The following PRKG1 variants were observed in gnomAD, a reference collection of about 807,000 sequenced individuals.
The protein encoded by PRKG1 is protein kinase cGMP-dependent 1, also known as cGMP-dependent protein kinase 1.
A neutral mutation model predicts 88.1 loss-of-function variants in PRKG1; 35 were observed. The ratio of observed to expected loss-of-function variants is 0.40; its 90% CI spans 0.30 to 0.53. PRKG1 has a LOEUF of 0.53. Among genes scored for constraint, PRKG1 ranks in the 20% least tolerant of loss-of-function variants. The pLI is 0.59. For missense variants in PRKG1, 540 were observed against 839.8 expected, an observed-to-expected ratio of 0.64 and a Z score of 4.41; for synonymous variants, 303 against 292.5, an observed-to-expected ratio of 1.04 and a Z score of -0.37.
intron 2 of PRKG1, among the ~76,000 whole-genome samples, chr10:51,167,699 A>G (rs891821036): frequency 5.3e-5 from 8 of 152,170 alleles, no homozygotes; most frequent in African/African-American, 1.4e-4. Flanking sequence ...TGCATGGATT[A>G]GATGTGGGTG....
chr10:51,781,942 C>A (rs1217405627), intron 3 of PRKG1, among the ~76,000 whole-genome samples: 1 of 151,476 alleles, frequency 6.6e-6, no homozygotes. Context: ...CAGCCCCCAA[C>A]ACCCATTGTA....
intron 7 of PRKG1, among the ~76,000 whole-genome samples, chr10:52,086,903 T>G (rs1051260376): frequency 6.6e-6 from 1 of 152,122 alleles, no homozygotes; most frequent in Non-Finnish European, 1.5e-5. Flanking sequence ...AAACATGTCC[T>G]TTTTCACATG....
intron 3 of PRKG1, among the ~76,000 whole-genome samples, chr10:51,644,008 G>T (rs918014714): frequency 1.5e-5 from 2 of 137,670 alleles, no homozygotes; most frequent in Non-Finnish European, 3.0e-5. Flanking sequence ...TTGTGAGGTT[G>T]TTGTGAGGAT....
intron 5 of PRKG1, among the ~76,000 whole-genome samples, chr10:51,936,444 T>A (rs1842801761): frequency 6.6e-6 from 1 of 152,070 alleles, no homozygotes; most frequent in Non-Finnish European, 1.5e-5. Flanking sequence ...CCTGATAATT[T>A]TGTTTTCTGA....
intron 3 of PRKG1, among the ~76,000 whole-genome samples, chr10:51,627,879 C>CCCTTCCCTTCCTTCCTTT (rs1839379175): frequency 1.4e-5 from 1 of 72,004 alleles, no homozygotes; most frequent in African/African-American, 3.7e-5. Flanking sequence ...TCCTTCCCTT[C>CCCTTCCCTTCCTTCCTTT]CCTTCCCTTC....
At chr10:51,496,117 A>G (rs1840844646) in intron 3 of PRKG1, among the ~76,000 whole-genome samples, 1 of 152,160 alleles carries the variant, frequency 6.6e-6, no homozygotes, top group Non-Finnish European at 1.5e-5. Context: ...GATATATGAA[A>G]TACACTGGTA....
intron 9 of PRKG1, among the ~76,000 whole-genome samples, chr10:52,198,882 G>T (rs1421683777): frequency 6.6e-6 from 1 of 151,912 alleles, no homozygotes; most frequent in Non-Finnish European, 1.5e-5. Context: ...GCATACTTGA[G>T]ATAGTATTTA....
chr10:52,270,433 C>T (rs558323312), intron 10 of PRKG1, among the ~76,000 whole-genome samples: 24 of 151,890 alleles, frequency 1.6e-4, no homozygotes, highest in East Asian at 5.8e-4. Flanking sequence ...ATGTTTATTG[C>T]GGCACTATTC....
rs531111208 is a variant in PRKG1 at position 52,285,672 on chromosome 10, T to G, written c.1710-3054T>G. On this transcript the variant is annotated intron_variant, in intron 14 of 17. Transcript: ENST00000373980. ...AATCAAGGAAATATAGGAGGAAGTG[T>G]TTAGATAAACTCTTATCTATAATTT... Among the ~76,000 whole-genome samples, 438 of 152,166 alleles carry G rather than the reference T, an allele frequency of 2.9e-3. 1 individual carries two copies. Among genetic ancestry groups the G allele is most frequent in the African/African-American group, 0.01 (423 of 41,542 alleles).
intron 1 of PRKG1, chr10:51,062,526 T>G (rs1313035318): frequency 6.6e-6 from 1 of 152,146 alleles, no homozygotes; most frequent in African/African-American, 2.4e-5. Flanking sequence ...GGTGGGAGGG[T>G]TGATTATCAG....
chr10:51,744,002 C>T (rs1837515107), intron 3 of PRKG1, among the ~76,000 whole-genome samples: 1 of 151,468 alleles, frequency 6.6e-6, no homozygotes, highest in Non-Finnish European at 1.5e-5. Context: ...GTAGCTTGTT[C>T]TTAATACCTT....
intron 5 of PRKG1, among the ~76,000 whole-genome samples, chr10:51,967,744 T>C (rs1483773714): frequency 1.3e-5 from 2 of 152,114 alleles, no homozygotes; most frequent in Non-Finnish European, 2.9e-5. Flanking sequence ...TCAGAAAGTT[T>C]CCTTCCCTAG....
intron 9 of PRKG1, among the ~76,000 whole-genome samples, chr10:52,239,498 TA>T (rs1297407449): frequency 1.9e-4 from 2 of 10,388 alleles, no homozygotes; most frequent in African/African-American, 7.9e-4. Flanking sequence ...AAAATAAAAA[TA>T]AAAATAAAAA....
chr10:51,428,971 T>C (rs1274695709), intron 2 of PRKG1, among the ~76,000 whole-genome samples: 1 of 150,790 alleles, frequency 6.6e-6, no homozygotes, highest in African/African-American at 2.5e-5. Context: ...TCTGTACACA[T>C]GTGCAAATTT....
chr10:51,145,850 T>G (rs983214567), intron 1 of PRKG1, among the ~76,000 whole-genome samples: 1 of 152,178 alleles, frequency 6.6e-6, no homozygotes, highest in Non-Finnish European at 1.5e-5. Context: ...ACTAGCTGTA[T>G]TTTTAGTTTT....
At chr10:51,263,265 T>C (rs1433472252) in intron 2 of PRKG1, among the ~76,000 whole-genome samples, 3 of 152,236 alleles carry the variant, frequency 2.0e-5, no homozygotes, top group Non-Finnish European at 4.4e-5. Context: ...TCATTGTCTC[T>C]TTCTAAAATT....
chr10:51,416,271 G>C (rs941929072), intron 2 of PRKG1, among the ~76,000 whole-genome samples: 3 of 152,038 alleles, frequency 2.0e-5, no homozygotes, highest in Admixed American at 1.3e-4. Context: ...GTGAAAATTA[G>C]GATGAAAACT....
At chr10:52,036,430 T>A (rs1056236726) in intron 5 of PRKG1, among the ~76,000 whole-genome samples, 1 of 150,416 alleles carries the variant, frequency 6.6e-6, no homozygotes, top group African/African-American at 2.5e-5. Context: ...AAGGAGAGTT[T>A]ATAGGCTTTA....
At chr10:52,231,653 A>C (rs900552393) in intron 9 of PRKG1, among the ~76,000 whole-genome samples, 1 of 152,152 alleles carries the variant, frequency 6.6e-6, no homozygotes, top group Non-Finnish European at 1.5e-5. Flanking sequence ...AATACTCTAG[A>C]CTGTTGGATT....
Sources: allele counts gnomAD v4.1 joint callset (sites outside exome capture counted in the v4.1 genomes callset), GRCh38; gene constraint gnomAD v4.1.1; transcripts MANE v1.5; gene names NCBI Gene and HGNC (gene_info 2026-07-23, HGNC 2026-07-21).